Variants in USP47 observed in about 807,000 individuals in gnomAD.
USP47 encodes ubiquitin specific peptidase 47.
In USP47, 35 loss-of-function variants were observed where a neutral mutation model predicts 165.1. That is an observed-to-expected ratio of 0.21 (90% CI 0.16 to 0.28). The LOEUF is 0.28. USP47 is among the 10% of genes least tolerant of loss of function. The pLI is 1.00. For synonymous variants in USP47, 531 were observed against 544.5 expected, an observed-to-expected ratio of 0.98 and a Z score of 0.35; for missense variants, 1,277 against 1,607.4, an observed-to-expected ratio of 0.79 and a Z score of 3.52.
chr11:11,941,156 T>A (rs1459384889), intron 19 of USP47, among the ~76,000 whole-genome samples: 1 of 151,976 alleles, frequency 6.6e-6, no homozygotes, highest in South Asian at 2.1e-4. Flanking sequence ...TACAGTCTAG[T>A]CTTTTATCTC....
At chr11:11,935,526 G>C (rs989423852) in intron 16 of USP47, among the ~76,000 whole-genome samples, 2 of 151,850 alleles carry the variant, frequency 1.3e-5, no homozygotes, top group East Asian at 3.9e-4. Context: ...GCCAAAAATA[G>C]AGCTTCATTG....
At position 11,943,035 on chromosome 11, in the gene USP47, G is replaced by A. The variant is rs1855586385; in HGVS notation, c.3014G>A (p.Ser1005Asn). 2 of 1,613,546 alleles carry A rather than the reference G, an allele frequency of 1.2e-6. No homozygotes were observed. Among genetic ancestry groups the A allele is most frequent in the Non-Finnish European group, 1.7e-6 (2 of 1,179,606 alleles). The change falls in exon 20 of 28, where the codon AGT (serine) becomes AAT (asparagine). Residue 1005 changes from serine (S) to asparagine (N), a missense_variant. This residue lies in a region of USP47 where 909 missense variants were observed against 1,068.1 expected (regional missense o/e 0.85). Coordinates refer to ENST00000527733, the MANE Select transcript of USP47 (RefSeq NM_001282659.2). ...TDSEYDESGK[S>N]RGEMQYMYFK... ...AGTGAATATGATGAGAGTGGCAAGA[G>A]TAGGGGAGAAATGCAGTACATGTAT...
Position 11,932,573 on chromosome 11 carries a change from A to G in USP47, c.1652-431A>G, listed in dbSNP as rs545329793. ...TATTTATTAAGTTTTATTGTATCTC[A>G]GGTAGTAACTTTATGGGGTAGATGA... On this transcript the variant is annotated intron_variant, in intron 14 of 27. Transcript: ENST00000527733. Among the ~76,000 whole-genome samples the G allele has an allele frequency of 4.4e-4, 67 of 152,286 alleles. 1 individual carries two copies. Among genetic ancestry groups the G allele is most frequent in the African/African-American group, 1.5e-3 (64 of 41,560 alleles).
chr11:11,914,227 G>A (rs1467999806), intron 8 of USP47, among the ~76,000 whole-genome samples: 2 of 151,876 alleles, frequency 1.3e-5, no homozygotes, highest in African/African-American at 4.8e-5. Context: ...CCGTGGAGTA[G>A]AATAGAAAAC....
At chr11:11,850,246 G>A (rs900027005) in intron 1 of USP47, among the ~76,000 whole-genome samples, 3 of 150,242 alleles carry the variant, frequency 2.0e-5, no homozygotes, top group African/African-American at 7.3e-5. Flanking sequence ...TAGATGTTGG[G>A]CCTACTGATG....
intron 8 of USP47, among the ~76,000 whole-genome samples, chr11:11,915,482 A>T (rs1853346561): frequency 6.6e-6 from 1 of 152,330 alleles, no homozygotes; most frequent in Non-Finnish European, 1.5e-5. Flanking sequence ...TAATAGACAC[A>T]TATACACAGG....
chr11:11,848,248 A>G (rs1486986450), intron 1 of USP47, among the ~76,000 whole-genome samples: 2 of 152,364 alleles, frequency 1.3e-5, no homozygotes, highest in East Asian at 1.9e-4. Context: ...TCATTTGAAC[A>G]TGATACAGTG....
chr11:11,924,800 C>T (rs764808324), intron 11 of USP47, among the ~76,000 whole-genome samples: 3 of 151,966 alleles, frequency 2.0e-5, no homozygotes, highest in Non-Finnish European at 4.4e-5. Flanking sequence ...CCTTTTAATG[C>T]AGGGATGAAC....
chr11:11,880,868 C>T (rs1374314912), intron 2 of USP47, among the ~76,000 whole-genome samples: 1 of 152,058 alleles, frequency 6.6e-6, no homozygotes, highest in East Asian at 1.9e-4. Flanking sequence ...ATGTGCATTT[C>T]TGGGCAACTT....
At position 11,903,601 on chromosome 11, in the gene USP47, T is replaced by A. The variant is rs536448928; in HGVS notation, c.819+259T>A. Among the ~76,000 whole-genome samples, 9 of 152,308 alleles carry A rather than the reference T, an allele frequency of 5.9e-5. No homozygotes were observed. In the East Asian group the frequency reaches 1.3e-3, roughly 23 times the overall value. ...TAACCTGGAAGTTCTCTTTTAGCTC[T>A]GAAAATTATACATTTAAAAACTGTA... is the stretch of plus-strand genomic sequence containing the variant. On this transcript the variant is annotated intron_variant, in intron 7 of 27. Transcript: ENST00000527733.
intron 24 of USP47, chr11:11,952,217 C>A (rs1316383878): frequency 6.6e-6 from 1 of 152,280 alleles, no homozygotes; most frequent in Non-Finnish European, 1.5e-5. Context: ...AGAAGTTCTT[C>A]TTGTGTACAC....
At chr11:11,922,652 T>C (rs1019042204) in intron 10 of USP47, 72 bp from the exon 11 acceptor site, 1 of 1,244,152 alleles carries the variant, frequency 8.0e-7, no homozygotes, top group Non-Finnish European at 1.1e-6. Context: ...TAGCAGTATA[T>C]AGGTACAAAG....
intron 3 of USP47, among the ~76,000 whole-genome samples, chr11:11,891,128 G>A (rs1013940717): frequency 2.0e-5 from 3 of 152,206 alleles, no homozygotes; most frequent in South Asian, 2.1e-4. Flanking sequence ...CACATCCTGC[G>A]CAGATACACC....
At chr11:11,880,143 AATAT>A (rs1850736816) in intron 1 of USP47, 30 bp from the exon 2 acceptor site, 1 of 1,375,588 alleles carries the variant, frequency 7.3e-7, no homozygotes, top group Non-Finnish European at 9.5e-7. Flanking sequence ...CTTTAAAGAT[AATAT>A]ATAAAGTCAT....
intron 1 of USP47, among the ~76,000 whole-genome samples, chr11:11,857,242 GTGTC>G (rs1849100317): frequency 6.6e-6 from 1 of 151,942 alleles, no homozygotes; most frequent in African/African-American, 2.4e-5. Flanking sequence ...TCATTTTATA[GTGTC>G]TGTCCTTTTA....
Position 11,857,859 on chromosome 11 carries a change from G to C in USP47, c.39+15635G>C, listed in dbSNP as rs542330224. Among the ~76,000 whole-genome samples the C allele has an allele frequency of 1.1e-4, 17 of 152,304 alleles. No homozygotes were observed. In the South Asian group the frequency reaches 3.3e-3, roughly 30 times the overall value. ...CTGGTTGGTTGTTGGCAAACAGACTGATTACGGGCCAAATCTTCATTTGCA... is the reference window on the plus strand; with the variant it reads ...CTGGTTGGTTGTTGGCAAACAGACTCATTACGGGCCAAATCTTCATTTGCA... On this transcript the variant is annotated intron_variant, in intron 1 of 27. Coordinates refer to ENST00000527733, the MANE Select transcript of USP47 (RefSeq NM_001282659.2).
chr11:11,842,323 G>A (rs1848171453), intron 1 of USP47, 99 bp downstream of exon 1: 6 of 1,386,646 alleles, frequency 4.3e-6, no homozygotes, highest in African/African-American at 1.5e-5. Context: ...CGGGGTGCAG[G>A]CTCGGCTGTG....
At position 11,878,132 on chromosome 11, in the gene USP47, A is replaced by T. The variant is rs181616746; in HGVS notation, c.40-2045A>T. 3.3e-4 allele frequency among the ~76,000 whole-genome samples: 50 copies of T among 152,254 alleles called. No individual in the cohort carries two copies. The East Asian group carries it at 7.3e-3, about 22-fold the overall frequency. ...AATTTTCCCACATGGAAGGAGAGGC[A>T]TCTGGGGTGCTTGGACCCTGCATTC... On this transcript the variant is annotated intron_variant, in intron 1 of 27. Coordinates refer to ENST00000527733, the MANE Select transcript of USP47 (RefSeq NM_001282659.2).
intron 6 of USP47, 128 bp downstream of exon 6, chr11:11,902,988 AT>A: frequency 9.7e-7 from 1 of 1,026,924 alleles, no homozygotes; most frequent in Non-Finnish European, 1.4e-6. Flanking sequence ...GTTGTCATAT[AT>A]TTTCTAACAC....
Sources: gnomAD v4.1 joint callset for allele counts (sites outside exome capture counted in the v4.1 genomes callset) on GRCh38, gnomAD v4.1.1 for gene constraint, gnomAD v4.1.1 regional missense constraint, MANE v1.5 for transcripts, NCBI Gene and HGNC (gene_info 2026-07-23, HGNC 2026-07-21) for gene names.